SNX3: variants seen among roughly 807,000 people sequenced by gnomAD.
SNX3 encodes the protein sorting nexin-3.
Under a neutral mutation model 17.7 loss-of-function variants are expected in SNX3, and 5 were observed. The ratio of observed to expected loss-of-function variants is 0.28; its 90% CI spans 0.15 to 0.59. The LOEUF (loss-of-function observed/expected upper bound fraction) is 0.59. Among genes scored for constraint, SNX3 ranks in the 20% least tolerant of loss-of-function variants. SNX3 has a pLI of 0.88. For synonymous variants in SNX3, 91 were observed against 76.5 expected, an observed-to-expected ratio of 1.19 and a Z score of -0.99; for missense variants, 132 against 206.8, an observed-to-expected ratio of 0.64 and a Z score of 2.22.
At chr6:108,221,028 C>T (rs1774754275) in intron 2 of SNX3, among the ~76,000 whole-genome samples, 1 of 151,988 alleles carries the variant, frequency 6.6e-6, no homozygotes, top group South Asian at 2.1e-4. Context: ...CCACTATATA[C>T]TGAAAATATT....
At chr6:108,249,126 C>T (rs1775774554) in intron 1 of SNX3, among the ~76,000 whole-genome samples, 1 of 152,134 alleles carries the variant, frequency 6.6e-6, no homozygotes, top group Non-Finnish European at 1.5e-5. Context: ...AAGACTGAGG[C>T]AGATAAGAGG....
chr6:108,226,142 A>G (rs1774967863), intron 1 of SNX3, among the ~76,000 whole-genome samples: 1 of 151,000 alleles, frequency 6.6e-6, no homozygotes, highest in African/African-American at 2.4e-5. Flanking sequence ...CAGGCTGGAG[A>G]GCAGAGGCAT....
At position 108,258,389 on chromosome 6, in the gene SNX3, C is replaced by T. The variant is rs1014477899; in HGVS notation, c.162+2371G>A. Among the ~76,000 whole-genome samples the T allele has an allele frequency of 5.4e-5, 8 of 148,974 alleles. No individual in the cohort carries two copies. In the South Asian group the frequency reaches 1.1e-3, roughly 20 times the overall value. Reference sequence around the variant, plus strand: ...AGGAGAATCACTTGAACCTGGGAGGCGGAGGTTGCTGTGAGCCAAAATAGC... The same window carrying T: ...AGGAGAATCACTTGAACCTGGGAGGTGGAGGTTGCTGTGAGCCAAAATAGC... On this transcript the variant is annotated intron_variant, in intron 1 of 3. Transcript: ENST00000230085.
At chr6:108,250,875 C>T (rs138814094) in intron 1 of SNX3, among the ~76,000 whole-genome samples, 2,747 of 152,296 alleles carry the variant, frequency 0.018, 41 homozygotes, top group Middle Eastern at 0.075. Flanking sequence ...CATTCCAATA[C>T]TGCTGGACAC....
intron 1 of SNX3, among the ~76,000 whole-genome samples, chr6:108,224,573 C>T (rs1195619457): frequency 6.6e-6 from 1 of 152,204 alleles, no homozygotes; most frequent in Non-Finnish European, 1.5e-5. Flanking sequence ...AGCCACCACA[C>T]CTGGCCCACT....
intron 1 of SNX3, among the ~76,000 whole-genome samples, chr6:108,254,525 T>C (rs6920409): frequency 0.024 from 3,714 of 152,222 alleles, 154 homozygotes; most frequent in African/African-American, 0.085. Context: ...AGTTTTACCA[T>C]TTAATAGCTG....
At chr6:108,221,955 C>A (rs1774790343) in intron 2 of SNX3, among the ~76,000 whole-genome samples, 1 of 152,070 alleles carries the variant, frequency 6.6e-6, no homozygotes, top group African/African-American at 2.4e-5. Flanking sequence ...TGGGGCCTCA[C>A]TATGTTCCCC....
intron 1 of SNX3, among the ~76,000 whole-genome samples, chr6:108,244,296 T>C (rs1309260177): frequency 6.6e-6 from 1 of 152,020 alleles, no homozygotes; most frequent in Non-Finnish European, 1.5e-5. Flanking sequence ...GCTGGGACTA[T>C]AGGTGCATGC....
chr6:108,241,242 G>A (rs543412181), intron 1 of SNX3, among the ~76,000 whole-genome samples: 4 of 151,392 alleles, frequency 2.6e-5, no homozygotes, highest in East Asian at 3.9e-4. Flanking sequence ...ATCCATGGCT[G>A]AATGAGACCT....
intron 2 of SNX3, among the ~76,000 whole-genome samples, chr6:108,215,255 C>A (rs746657960): frequency 6.7e-6 from 1 of 150,330 alleles, no homozygotes; most frequent in African/African-American, 2.5e-5. Flanking sequence ...GAGGCTGAGG[C>A]AGGAGAATGG....
chr6:108,261,029 G>A lies in SNX3; in HGVS notation c.-108C>T. On this transcript the variant is annotated 5_prime_UTR_variant, in exon 1 of 4. Coordinates refer to ENST00000230085, the MANE Select transcript of SNX3 (RefSeq NM_003795.6). The stretch of plus-strand genomic sequence containing the variant: ...TGGGGACACGGGGCTCGCGCGCAGC[G>A]GTCGCGAAGAGAACGAGCACGTAGA... 9.0e-7 allele frequency: 1 copy of A among 1,108,962 alleles called. No individual in the cohort carries two copies. Among genetic ancestry groups the A allele is most frequent in the East Asian group, 3.3e-5 (1 of 30,756 alleles). The allele number at this position is 1,108,962 out of a possible 1,614,324, so 68.7% of individuals were successfully genotyped here.
At chr6:108,230,473 A>C (rs1375779602) in intron 1 of SNX3, among the ~76,000 whole-genome samples, 1 of 152,192 alleles carries the variant, frequency 6.6e-6, no homozygotes, top group Non-Finnish European at 1.5e-5. Context: ...ATGTGGGCAC[A>C]GTGATCACAG....
Position 108,260,795 on chromosome 6 carries a change from G to A in SNX3, c.127C>T (p.Arg43Trp). Residue 43 changes from arginine to tryptophan, a missense_variant, in exon 1 of 4, where the codon CGG (arginine) becomes TGG (tryptophan). Around this residue, in one of 2 missense-constraint regions of SNX3, gnomAD observed 78 missense variants for 88.8 expected, o/e 0.88. Transcript: ENST00000230085. ...ATTTCGTAAGTGGTGAAGCGGCCCC[G>A]GCCGACCCCCACCGTTTGCGGGTTG... Reference protein sequence around the residue: ...VSNPQTVGVGRGRFTTYEIRV... With the variant: ...VSNPQTVGVGWGRFTTYEIRV... 3 of 1,613,920 alleles carry A rather than the reference G, an allele frequency of 1.9e-6. No homozygotes were observed. The highest frequency in any genetic ancestry group is 1.1e-5 in the South Asian group (1 of 91,084).
intron 2 of SNX3, among the ~76,000 whole-genome samples, chr6:108,219,164 C>A (rs1205345594): frequency 6.6e-6 from 1 of 151,914 alleles, no homozygotes; most frequent in Non-Finnish European, 1.5e-5. Flanking sequence ...GTCTTGCTAA[C>A]ACGGTGAAAC....
chr6:108,222,137 G>C, intron 2 of SNX3: 2 of 1,099,380 alleles, frequency 1.8e-6, no homozygotes, highest in Non-Finnish European at 2.4e-6. Flanking sequence ...GCTAGAAACA[G>C]AAAAAAAAAG....
At chr6:108,226,999 A>G (rs1774991505) in intron 1 of SNX3, among the ~76,000 whole-genome samples, 1 of 152,214 alleles carries the variant, frequency 6.6e-6, no homozygotes, top group African/African-American at 2.4e-5. Flanking sequence ...AGTCAAGCTT[A>G]TATTTAAAGA....
intron 1 of SNX3, among the ~76,000 whole-genome samples, chr6:108,238,620 T>A (rs532567457): frequency 2.0e-5 from 3 of 151,928 alleles, no homozygotes; most frequent in Non-Finnish European, 1.5e-5. Context: ...AAAAAGAAAA[T>A]TTTTTTAAAA....
At chr6:108,238,781 T>C (rs1775430453) in intron 1 of SNX3, among the ~76,000 whole-genome samples, 1 of 152,154 alleles carries the variant, frequency 6.6e-6, no homozygotes, top group Non-Finnish European at 1.5e-5. Context: ...ACTTTTGTAG[T>C]GGAAGTTCTT....
chr6:108,257,703 C>T (rs190397824), intron 1 of SNX3, among the ~76,000 whole-genome samples: 4 of 152,224 alleles, frequency 2.6e-5, no homozygotes, highest in East Asian at 1.9e-4. Flanking sequence ...TGGTGGCTCA[C>T]GCCTGTAATC....
Sources: allele counts gnomAD v4.1 joint callset (sites outside exome capture counted in the v4.1 genomes callset), GRCh38; gene constraint gnomAD v4.1.1; regional missense constraint gnomAD v4.1.1; transcripts MANE v1.5; gene names NCBI Gene and HGNC (gene_info 2026-07-23, HGNC 2026-07-21).